The following GABRG2 variants were observed in gnomAD, a reference collection of about 807,000 sequenced individuals.
The protein encoded by GABRG2 is gamma-aminobutyric acid type A receptor subunit gamma2.
A neutral mutation model predicts 56.4 loss-of-function variants in GABRG2; 16 were observed. The ratio of observed to expected loss-of-function variants is 0.28; its 90% CI spans 0.19 to 0.43. The LOEUF is 0.43. GABRG2 is among the 20% of genes least tolerant of loss of function. The probability of loss-of-function intolerance (pLI) is 1.00; values close to 1 mark genes in which losing one functional copy is unlikely to be tolerated. For missense variants in GABRG2, 327 were observed against 582.7 expected, an observed-to-expected ratio of 0.56 and a Z score of 4.52; for synonymous variants, 208 against 205.5, an observed-to-expected ratio of 1.01 and a Z score of -0.10.
chr5:162,079,522 T>C (rs1759477441), intron 1 of GABRG2, among the ~76,000 whole-genome samples: 1 of 152,080 alleles, frequency 6.6e-6, no homozygotes, highest in Non-Finnish European at 1.5e-5. Flanking sequence ...ACTATGTTGC[T>C]AGCACCCTGC....
chr5:162,079,709 C>T (rs1304925044), intron 1 of GABRG2, among the ~76,000 whole-genome samples: 2 of 151,874 alleles, frequency 1.3e-5, no homozygotes, highest in Non-Finnish European at 2.9e-5. Flanking sequence ...ATTTACTTCC[C>T]TTATTGATTC....
At chr5:162,088,282 G>A (rs1440958583) in intron 1 of GABRG2, among the ~76,000 whole-genome samples, 1 of 152,064 alleles carries the variant, frequency 6.6e-6, no homozygotes, top group Non-Finnish European at 1.5e-5. Flanking sequence ...GCCTTCTGAG[G>A]ATGTACACTC....
chr5:162,132,252 T>C (rs1344896347), intron 6 of GABRG2, among the ~76,000 whole-genome samples: 1 of 152,018 alleles, frequency 6.6e-6, no homozygotes, highest in Non-Finnish European at 1.5e-5. Context: ...TTTTATAAAT[T>C]GATGGATACC....
At chr5:162,111,838 A>G (rs1762272391) in intron 6 of GABRG2, among the ~76,000 whole-genome samples, 1 of 152,148 alleles carries the variant, frequency 6.6e-6, no homozygotes, top group South Asian at 2.1e-4. Flanking sequence ...AGCTATTTTT[A>G]CAGAGACATG....
In GABRG2 at chr5:162,120,906, C is replaced by T. The variant is rs532165782; in HGVS notation, c.769+16880C>T. 3.3e-5 allele frequency among the ~76,000 whole-genome samples: 5 copies of T among 152,154 alleles called. No homozygotes were observed. In the East Asian group the frequency reaches 7.7e-4, roughly 24 times the overall value. Reference sequence around the variant, plus strand: ...TGCTTTCTTTAACCAAGATATTATTCAATTAGATACTTTGTTCATTATTTG... The same window carrying T: ...TGCTTTCTTTAACCAAGATATTATTTAATTAGATACTTTGTTCATTATTTG... On this transcript the variant is annotated intron_variant, in intron 6 of 9. Coordinates refer to ENST00000639213, the MANE Select transcript of GABRG2 (RefSeq NM_198904.4).
In GABRG2 at chr5:162,090,591, T is replaced by C. The variant is rs935369625; in HGVS notation, c.108-3237T>C. 1.1e-4 allele frequency among the ~76,000 whole-genome samples: 16 copies of C among 152,268 alleles called. 1 individual carries two copies. The highest frequency in any genetic ancestry group is 3.6e-4 in the African/African-American group (15 of 41,562). On this transcript the variant is annotated intron_variant, in intron 1 of 9. Coordinates refer to ENST00000639213, the MANE Select transcript of GABRG2 (RefSeq NM_198904.4). ...ATGAATATTTACAAAGACGAAAACT[T>C]CACATTCTTTTCTGACACTATCACT...
At chr5:162,150,168 T>TTA (rs150937422) in intron 8 of GABRG2, 2,265 of 154,388 alleles carry the variant, frequency 0.015, 29 homozygotes, top group Middle Eastern at 0.051. Context: ...CTTGTGTGTT[T>TTA]TATATATATA....
chr5:162,119,529 A>G (rs1055877174), intron 6 of GABRG2, among the ~76,000 whole-genome samples: 1 of 152,100 alleles, frequency 6.6e-6, no homozygotes, highest in Non-Finnish European at 1.5e-5. Context: ...AAGTTTCTTG[A>G]TTATTTATTC....
chr5:162,088,576 C>A (rs1581329631), intron 1 of GABRG2, among the ~76,000 whole-genome samples: 1 of 152,038 alleles, frequency 6.6e-6, no homozygotes, highest in East Asian at 1.9e-4. Context: ...GGCATCATGT[C>A]TTTTATTGGA....
At chr5:162,142,693 G>T in intron 7 of GABRG2, 1 of 337,940 alleles carries the variant, frequency 3.0e-6, no homozygotes, top group Non-Finnish European at 5.8e-6. Context: ...GGTGGGAATT[G>T]AACAATGAGA....
intron 1 of GABRG2, among the ~76,000 whole-genome samples, chr5:162,070,070 A>C (rs1380282002): frequency 6.6e-6 from 1 of 152,192 alleles, no homozygotes; most frequent in East Asian, 1.9e-4. Flanking sequence ...AGTTTATAAG[A>C]AAATAGTATT....
intron 6 of GABRG2, among the ~76,000 whole-genome samples, chr5:162,125,865 G>C (rs1252293309): frequency 6.6e-6 from 1 of 151,900 alleles, no homozygotes; most frequent in Non-Finnish European, 1.5e-5. Flanking sequence ...TGGAATGCTA[G>C]AGTATAAGAG....
chr5:162,076,884 A>G (rs1362356034), intron 1 of GABRG2, among the ~76,000 whole-genome samples: 2 of 152,134 alleles, frequency 1.3e-5, no homozygotes, highest in East Asian at 1.9e-4. Context: ...CTGGGTCACT[A>G]CAACACTGCC....
At chr5:162,142,762 T>G in intron 7 of GABRG2, 1 of 292,470 alleles carries the variant, frequency 3.4e-6, no homozygotes, top group South Asian at 3.4e-5. Flanking sequence ...GGTGGAGGGA[T>G]TGGGGAGGAA....
Position 162,151,768 on chromosome 5 carries a change from G to T in GABRG2, c.1152+15G>T, listed in dbSNP as rs1442166470. ...TTTCCTTCAAGGTATAATGTTTTTG[G>T]AATGGAAATTCACTGCATGCAACTG... On this transcript the variant is annotated intron_variant, in intron 9 of 9. Transcript: ENST00000639213. 3 of 1,608,032 alleles carry T rather than the reference G, an allele frequency of 1.9e-6. No homozygotes were observed. The highest frequency in any genetic ancestry group is 2.6e-6 in the Non-Finnish European group (3 of 1,175,896).
Position 162,151,407 on chromosome 5 carries a change from T to G in GABRG2, c.1129-323T>G, listed in dbSNP as rs528304136. The G allele has an allele frequency of 7.9e-5, 20 of 252,722 alleles. No homozygotes were observed. In the South Asian group the frequency reaches 9.9e-4, roughly 13 times the overall value. The allele number at this position is 252,722 out of a possible 1,614,324, so 15.7% of individuals were successfully genotyped here. ...GTTATCCGTGATGATAATTAGAAAA[T>G]AGAATCATAGTATTTTTAAACAGGG... On this transcript the variant is annotated intron_variant, in intron 8 of 9. Coordinates refer to ENST00000639213, the MANE Select transcript of GABRG2 (RefSeq NM_198904.4).
In GABRG2 at chr5:162,095,506, T is replaced by A. The variant is rs1425682141; in HGVS notation, c.271T>A (p.Leu91Ile). Residue 91 changes from leucine to isoleucine, a missense_variant, in exon 3 of 10, where the codon TTA becomes ATA. This residue lies in a region of GABRG2 where 104 missense variants were observed against 209.3 expected (regional missense o/e 0.50). Coordinates refer to ENST00000639213, the MANE Select transcript of GABRG2 (RefSeq NM_198904.4). ...GTTTCTCTTTACAGTGAAGCCAACG[T>A]TAATTCACACAGACATGTATGTGAA... is the stretch of plus-strand genomic sequence containing the variant. The part of the protein sequence containing the change: ...LRPDIGVKPT[L>I]IHTDMYVNSI... 1.2e-6 allele frequency: 2 copies of A among 1,606,610 alleles called. No individual in the cohort carries two copies. Among genetic ancestry groups the A allele is most frequent in the South Asian group, 1.1e-5 (1 of 90,870 alleles).
chr5:162,111,183 A>C (rs954679613), intron 6 of GABRG2, among the ~76,000 whole-genome samples: 3 of 152,146 alleles, frequency 2.0e-5, no homozygotes, highest in Admixed American at 6.6e-5. Flanking sequence ...CAAATACAAA[A>C]ACATACTGCT....
intron 6 of GABRG2, among the ~76,000 whole-genome samples, chr5:162,130,558 A>G (rs1013848198): frequency 6.6e-6 from 1 of 151,966 alleles, no homozygotes; most frequent in Non-Finnish European, 1.5e-5. Flanking sequence ...GAAAATGACA[A>G]GAAAAATAAA....
Sources: gnomAD v4.1 joint callset for allele counts (sites outside exome capture counted in the v4.1 genomes callset) on GRCh38, gnomAD v4.1.1 for gene constraint, gnomAD v4.1.1 regional missense constraint, MANE v1.5 for transcripts, NCBI Gene and HGNC (gene_info 2026-07-23, HGNC 2026-07-21) for gene names.